Variants in RNF214 observed in about 807,000 individuals in gnomAD.
RNF214 encodes ring finger protein 214.
A neutral mutation model predicts 75.9 loss-of-function variants in RNF214; 25 were observed. That is an observed-to-expected ratio of 0.33 (90% CI 0.24 to 0.46). The LOEUF is 0.46. RNF214 is among the 20% of genes least tolerant of loss of function. The pLI is 1.00. For synonymous variants in RNF214, 314 were observed against 308.8 expected, an observed-to-expected ratio of 1.02 and a Z score of -0.18; for missense variants, 725 against 857.5, an observed-to-expected ratio of 0.85 and a Z score of 1.93.
intron 6 of RNF214, among the ~76,000 whole-genome samples, chr11:117,273,893 A>G (rs2033959602): frequency 1.3e-5 from 2 of 152,226 alleles, no homozygotes; most frequent in Non-Finnish European, 2.9e-5. Context: ...GCTGATGTCA[A>G]TAATTTCACT....
intron 6 of RNF214, among the ~76,000 whole-genome samples, chr11:117,258,335 G>T (rs1021984636): frequency 1.3e-5 from 2 of 152,108 alleles, no homozygotes; most frequent in Admixed American, 1.3e-4. Context: ...CAAAGTGCTG[G>T]GATTTACAGG....
At chr11:117,249,070 G>A (rs1425963624) in intron 6 of RNF214, among the ~76,000 whole-genome samples, 2 of 152,026 alleles carry the variant, frequency 1.3e-5, no homozygotes, top group African/African-American at 4.8e-5. Context: ...TTACAGGCGA[G>A]TGCCATCATG....
chr11:117,264,498 C>T (rs901600204), intron 6 of RNF214, among the ~76,000 whole-genome samples: 1 of 151,960 alleles, frequency 6.6e-6, no homozygotes, highest in African/African-American at 2.4e-5. Context: ...ATTTTGGATA[C>T]ACCTACTATG....
At chr11:117,282,932 A>T in intron 13 of RNF214, 82 bp downstream of exon 13, 1 of 1,134,840 alleles carries the variant, frequency 8.8e-7, no homozygotes, top group Non-Finnish European at 1.3e-6. Flanking sequence ...GAGTGCAGGA[A>T]GAAACCATCA....
chr11:117,258,796 T>C (rs1478337858), intron 6 of RNF214, among the ~76,000 whole-genome samples: 3 of 152,120 alleles, frequency 2.0e-5, no homozygotes, highest in South Asian at 4.1e-4. Context: ...AAACCAACCA[T>C]TGTTGTGGTT....
At chr11:117,264,727 C>G (rs995552348) in intron 6 of RNF214, among the ~76,000 whole-genome samples, 1 of 151,926 alleles carries the variant, frequency 6.6e-6, no homozygotes, top group African/African-American at 2.4e-5. Context: ...TTTTTCAATC[C>G]TTTCCCCTTC....
chr11:117,264,326 A>C (rs1388447576), intron 6 of RNF214, among the ~76,000 whole-genome samples: 1 of 152,190 alleles, frequency 6.6e-6, no homozygotes, highest in East Asian at 1.9e-4. Context: ...CCATCTCAAA[A>C]AAAAAAGAAA....
rs1298472398 is a variant in RNF214 at position 117,285,883 on chromosome 11, C to T, written c.*732C>T. ...CCTATTTTCTGGACAGAAATTAGCA[C>T]AACCCACAGGTTTTTCCTGGGCCAA... On this transcript the variant is annotated 3_prime_UTR_variant, in exon 15 of 15. Coordinates refer to ENST00000300650, the MANE Select transcript of RNF214 (RefSeq NM_207343.4). 6.6e-6 allele frequency: 1 copy of T among 152,604 alleles called. No homozygotes were observed. Among genetic ancestry groups the T allele is most frequent in the Admixed American group, 6.5e-5 (1 of 15,272 alleles). The allele number at this position is 152,604 out of a possible 1,614,324, so 9.5% of individuals were successfully genotyped here.
At chr11:117,274,768 G>A (rs1367063938) in intron 6 of RNF214, among the ~76,000 whole-genome samples, 1 of 150,136 alleles carries the variant, frequency 6.7e-6, no homozygotes, top group Non-Finnish European at 1.5e-5. Flanking sequence ...TCCGCTTCCC[G>A]GGTTCAAGCA....
rs1029354415 is a variant in RNF214, at chr11:117,238,718, T to A, written c.225T>A (p.Gly75=). The change falls in exon 3 of 15, where the codon GGT becomes GGA. Residue 75 remains glycine (G), a synonymous_variant. Coordinates refer to ENST00000300650, the MANE Select transcript of RNF214 (RefSeq NM_207343.4). ...TGGAGCACTCAGAGCAGAATCCTGG[T>A]TCATCAGCAGGTGACACCTCAGCAG... ...VHLEHSEQNP[G]SSAGDTSAAH... 12 of 1,614,054 alleles carry A rather than the reference T, an allele frequency of 7.4e-6. No homozygotes were observed. The highest frequency in any genetic ancestry group is 1.0e-5 in the Non-Finnish European group (12 of 1,180,032).
At chr11:117,240,853 C>A (rs1304567770) in intron 4 of RNF214, among the ~76,000 whole-genome samples, 1 of 151,860 alleles carries the variant, frequency 6.6e-6, no homozygotes, top group Non-Finnish European at 1.5e-5. Flanking sequence ...ACCAGCCTGA[C>A]TAACATGGTG....
chr11:117,282,360 G>A (rs1342107481), intron 11 of RNF214, 44 bp from the exon 12 acceptor site: 1 of 1,604,852 alleles, frequency 6.2e-7, no homozygotes, highest in Non-Finnish European at 8.5e-7. Context: ...GTTCCCCGTG[G>A]GTATAGCATA....
intron 4 of RNF214, among the ~76,000 whole-genome samples, chr11:117,241,578 CAAA>C (rs201566240): frequency 2.9e-5 from 3 of 102,876 alleles, no homozygotes; most frequent in Non-Finnish European, 2.1e-5. Context: ...GAATCTGTCT[CAAA>C]AAAAAAAAAA....
intron 6 of RNF214, among the ~76,000 whole-genome samples, chr11:117,266,292 T>C (rs2033795106): frequency 6.6e-6 from 1 of 152,208 alleles, no homozygotes; most frequent in Non-Finnish European, 1.5e-5. Context: ...CTTTTCCTGT[T>C]TGGAGTTTTC....
At chr11:117,245,127 G>A (rs2033180650) in intron 5 of RNF214, among the ~76,000 whole-genome samples, 2 of 150,712 alleles carry the variant, frequency 1.3e-5, no homozygotes, top group African/African-American at 4.9e-5. Context: ...GAACCAGCCT[G>A]GGCAACATGG....
intron 6 of RNF214, among the ~76,000 whole-genome samples, chr11:117,261,057 C>T (rs1591830582): frequency 6.6e-6 from 1 of 152,060 alleles, no homozygotes; most frequent in East Asian, 1.9e-4. Flanking sequence ...ATTGCACTGG[C>T]TAGGACCTCC....
Position 117,282,743 on chromosome 11 carries a change from C to T in RNF214, c.1846-3C>T. On this transcript the variant is annotated splice_polypyrimidine_tract_variant and splice_region_variant and intron_variant, in intron 12 of 14. Coordinates refer to ENST00000300650, the MANE Select transcript of RNF214 (RefSeq NM_207343.4). The stretch of plus-strand genomic sequence containing the variant: ...CTTACTCTGACAATGTTTCTACCTA[C>T]AGCCACTTGGTCGCATCCGGGCCTT... The T allele has an allele frequency of 6.2e-7, 1 of 1,612,788 alleles. No individual in the cohort carries two copies. The highest frequency in any genetic ancestry group is 8.5e-7 in the Non-Finnish European group (1 of 1,178,774).
intron 5 of RNF214, among the ~76,000 whole-genome samples, chr11:117,246,590 T>G (rs1329330053): frequency 3.9e-5 from 6 of 152,258 alleles, no homozygotes. Flanking sequence ...TGCTAGAAAT[T>G]ATTTTTCCTG....
At chr11:117,243,874 C>G (rs1388103880) in intron 4 of RNF214, among the ~76,000 whole-genome samples, 1 of 152,158 alleles carries the variant, frequency 6.6e-6, no homozygotes, top group Non-Finnish European at 1.5e-5. Flanking sequence ...CTCTTCTAAT[C>G]CCGACTTTAT....
Sources: gnomAD v4.1 joint callset for allele counts (sites outside exome capture counted in the v4.1 genomes callset) on GRCh38, gnomAD v4.1.1 for gene constraint, MANE v1.5 for transcripts, NCBI Gene and HGNC (gene_info 2026-07-23, HGNC 2026-07-21) for gene names.